STK32B: variants seen among roughly 807,000 people sequenced by gnomAD.
STK32B encodes serine/threonine-protein kinase 32B.
Under a neutral mutation model 52.6 loss-of-function variants are expected in STK32B, and 43 were observed. The observed-to-expected ratio is 0.82, with a 90% CI of 0.64 to 1.05. The LOEUF (loss-of-function observed/expected upper bound fraction) is 1.05, where lower values mean the gene tolerates loss of function less well. Ranked by LOEUF, STK32B falls within the 50% of genes least tolerant of loss-of-function variation. The pLI is 0.00. For synonymous variants in STK32B, 238 were observed against 204.3 expected (o/e 1.17, Z -1.41); for missense variants, 621 against 534.6 (o/e 1.16, Z -1.59).
At position 5,324,076 on chromosome 4, in the gene STK32B, G is replaced by A. The variant is rs1017392095; in HGVS notation, c.261-7144G>A. 4.6e-5 allele frequency among the ~76,000 whole-genome samples: 7 copies of A among 152,212 alleles called. No individual in the cohort carries two copies. In the South Asian group the frequency reaches 1.0e-3, roughly 22 times the overall value. On this transcript the variant is annotated intron_variant, in intron 3 of 11. Transcript: ENST00000282908. Reference sequence around the variant, plus strand: ...CGCATATACGTAAAGCACTTAGGCCGGGCACGGCAGCTCACACCTGTAATC... The same window carrying A: ...CGCATATACGTAAAGCACTTAGGCCAGGCACGGCAGCTCACACCTGTAATC...
chr4:5,461,711 A>G (rs1717039021), intron 9 of STK32B, among the ~76,000 whole-genome samples: 1 of 152,174 alleles, frequency 6.6e-6, no homozygotes, highest in Non-Finnish European at 1.5e-5. Context: ...CCTCGCAGGC[A>G]GGGCTCCAGA....
At chr4:5,238,973 A>G (rs1464465007) in intron 3 of STK32B, among the ~76,000 whole-genome samples, 1 of 152,250 alleles carries the variant, frequency 6.6e-6, no homozygotes, top group Non-Finnish European at 1.5e-5. Flanking sequence ...TAATGCTTTT[A>G]GAGAGATTTG....
chr4:5,461,048 C>A (rs1716986167), intron 9 of STK32B, among the ~76,000 whole-genome samples: 1 of 152,176 alleles, frequency 6.6e-6, no homozygotes, highest in Admixed American at 6.5e-5. Flanking sequence ...CTGGAAGCCT[C>A]CTGTGGTCCC....
chr4:5,261,679 T>G (rs1488816223), intron 3 of STK32B, among the ~76,000 whole-genome samples: 1 of 152,184 alleles, frequency 6.6e-6, no homozygotes, highest in Admixed American at 6.5e-5. Flanking sequence ...GCACTATTTC[T>G]TATGAACTAC....
At chr4:5,455,576 AAGTG>A (rs1339170877) in intron 7 of STK32B, among the ~76,000 whole-genome samples, 1 of 152,122 alleles carries the variant, frequency 6.6e-6, no homozygotes, top group Non-Finnish European at 1.5e-5. Flanking sequence ...CAGCCAGTAC[AAGTG>A]AGTGTTTTTT....
chr4:5,184,265 A>G (rs187774202), intron 3 of STK32B, among the ~76,000 whole-genome samples: 234 of 152,230 alleles, frequency 1.5e-3, no homozygotes, highest in Non-Finnish European at 2.9e-3. Context: ...TAATTTCAGT[A>G]TTGTTGTGTC....
At chr4:5,108,747 A>G (rs1203752371) in intron 1 of STK32B, among the ~76,000 whole-genome samples, 2 of 152,176 alleles carry the variant, frequency 1.3e-5, no homozygotes, top group Non-Finnish European at 2.9e-5. Context: ...AGACTTCAGT[A>G]TCACCTGAAA....
chr4:5,135,406 T>C (rs1453964998), intron 1 of STK32B, among the ~76,000 whole-genome samples: 1 of 152,194 alleles, frequency 6.6e-6, no homozygotes, highest in Non-Finnish European at 1.5e-5. Flanking sequence ...AAATAACTCT[T>C]GTTCTTTGGC....
At chr4:5,438,020 ACT>A in intron 6 of STK32B, 5 of 985,470 alleles carry the variant, frequency 5.1e-6, no homozygotes, top group Non-Finnish European at 4.8e-6. Context: ...GGACAGGATC[ACT>A]CTGCTGCTGC....
chr4:5,027,691 T>G, the STK32B span, among the ~76,000 whole-genome samples: 2 of 152,284 alleles, frequency 1.3e-5, no homozygotes, highest in East Asian at 3.9e-4. Context: ...CTTGGTCTAC[T>G]TCCTCCCTCC....
intron 3 of STK32B, among the ~76,000 whole-genome samples, chr4:5,174,468 C>G (rs969401047): frequency 1.3e-5 from 2 of 152,172 alleles, no homozygotes; most frequent in African/African-American, 2.4e-5. Flanking sequence ...TTTAGTGCTT[C>G]CTTCAGGAGC....
chr4:5,065,329 A>C (rs1489494056), intron 1 of STK32B, among the ~76,000 whole-genome samples: 1 of 152,214 alleles, frequency 6.6e-6, no homozygotes. Flanking sequence ...GGAAGAGTGA[A>C]CACATAAAAG....
chr4:5,176,574 G>A (rs563010136), intron 3 of STK32B, among the ~76,000 whole-genome samples: 12 of 151,468 alleles, frequency 7.9e-5, no homozygotes, highest in Admixed American at 2.0e-4. Flanking sequence ...CTCCCAAGTA[G>A]CTGGGATTAC....
At chr4:5,038,525 G>A in the STK32B span, among the ~76,000 whole-genome samples, 15 of 152,222 alleles carry the variant, frequency 9.9e-5, no homozygotes, top group African/African-American at 3.6e-4. Context: ...CTGCTACTAG[G>A]CTACAAACCT....
At chr4:5,417,678 A>G (rs195100) in intron 6 of STK32B, among the ~76,000 whole-genome samples, 87,506 of 151,898 alleles carry the variant, frequency 0.58, 26,460 homozygotes, top group Middle Eastern at 0.74. Flanking sequence ...CAGGTCTTAT[A>G]TAATTTTGTT....
chr4:5,411,671 A>G (rs1169555632), intron 5 of STK32B, among the ~76,000 whole-genome samples: 1 of 152,166 alleles, frequency 6.6e-6, no homozygotes, highest in African/African-American at 2.4e-5. Context: ...CCCCATGTGA[A>G]TACTGAGGCA....
intron 3 of STK32B, among the ~76,000 whole-genome samples, chr4:5,234,034 C>T (rs1418776297): frequency 6.6e-6 from 1 of 152,078 alleles, no homozygotes; most frequent in East Asian, 1.9e-4. Flanking sequence ...CTGACTCCAG[C>T]TAAGTCTGAC....
intron 6 of STK32B, among the ~76,000 whole-genome samples, chr4:5,434,583 G>A (rs750002355): frequency 2.0e-5 from 3 of 151,978 alleles, no homozygotes; most frequent in Non-Finnish European, 4.4e-5. Flanking sequence ...TTGGGGAATG[G>A]AACTGGGTTC....
chr4:5,099,802 T>A (rs1339246495), intron 1 of STK32B, among the ~76,000 whole-genome samples: 1 of 152,034 alleles, frequency 6.6e-6, no homozygotes. Flanking sequence ...GAATGAGAGT[T>A]GCGCCCATTC....
Sources: gnomAD v4.1 joint callset for allele counts (sites outside exome capture counted in the v4.1 genomes callset) on GRCh38, gnomAD v4.1.1 for gene constraint, MANE v1.5 for transcripts, NCBI Gene and HGNC (gene_info 2026-07-23, HGNC 2026-07-21) for gene names.